DYNC2I1: variants seen among roughly 807,000 people sequenced by gnomAD.
The protein encoded by DYNC2I1 is dynein 2 intermediate chain 1, also known as cytoplasmic dynein 2 intermediate chain 1.
A neutral mutation model predicts 133.4 loss-of-function variants in DYNC2I1; 89 were observed. The observed-to-expected ratio is 0.67, with a 90% CI of 0.56 to 0.80. DYNC2I1 has a LOEUF of 0.80. Among genes scored for constraint, DYNC2I1 ranks in the 30% least tolerant of loss-of-function variants. The pLI is 0.00. For synonymous variants in DYNC2I1, 504 were observed against 484.3 expected (o/e 1.04, Z -0.54); for missense variants, 1,291 against 1,314.5 (o/e 0.98, Z 0.28).
chr7:158,910,597 G>A lies in DYNC2I1; in HGVS notation c.1461-953G>A, dbSNP rs185004512. 1.9e-3 allele frequency among the ~76,000 whole-genome samples: 281 copies of A among 151,340 alleles called. 2 individuals carry two copies. Among genetic ancestry groups the A allele is most frequent in the African/African-American group, 6.5e-3 (266 of 41,092 alleles). On this transcript the variant is annotated intron_variant, in intron 11 of 24. Coordinates refer to ENST00000407559, the MANE Select transcript of DYNC2I1 (RefSeq NM_018051.5). Reference sequence around the variant, plus strand: ...GGGTGATTGGAGGGCCATCAGCTGTGTCAGGCCTGTGGGCCGAGGGCACTT... The same window carrying A: ...GGGTGATTGGAGGGCCATCAGCTGTATCAGGCCTGTGGGCCGAGGGCACTT...
intron 8 of DYNC2I1, among the ~76,000 whole-genome samples, chr7:158,895,789 C>A (rs573742886): frequency 5.3e-5 from 8 of 152,194 alleles, no homozygotes; most frequent in African/African-American, 1.9e-4. Context: ...TTATTTAGTT[C>A]TTTGTTTTTG....
At chr7:158,897,653 C>A (rs1845880383) in intron 8 of DYNC2I1, among the ~76,000 whole-genome samples, 1 of 152,054 alleles carries the variant, frequency 6.6e-6, no homozygotes, top group African/African-American at 2.4e-5. Context: ...GTTAGCTTGG[C>A]CTAGAAGTGT....
intron 14 of DYNC2I1, 30 bp downstream of exon 14, chr7:158,914,351 C>T (rs374941327): frequency 3.8e-6 from 6 of 1,562,010 alleles, no homozygotes; most frequent in Non-Finnish European, 5.2e-6. Context: ...GTTGTGTTCT[C>T]TGTGTAAGTG....
At chr7:158,907,859 C>T (rs1370666852) in intron 11 of DYNC2I1, among the ~76,000 whole-genome samples, 1 of 152,032 alleles carries the variant, frequency 6.6e-6, no homozygotes, top group Non-Finnish European at 1.5e-5. Flanking sequence ...GCAATCCACC[C>T]ACCTCAGCCT....
chr7:158,927,020 T>A lies in DYNC2I1; in HGVS notation c.2462T>A (p.Ile821Asn), dbSNP rs753141667. 2.5e-6 allele frequency: 4 copies of A among 1,604,570 alleles called. No individual in the cohort carries two copies. The highest frequency in any genetic ancestry group is 3.4e-6 in the Non-Finnish European group (4 of 1,175,020). Residue 821 changes from isoleucine to asparagine, a missense_variant, in exon 20 of 25, where the codon ATC becomes AAC. By Grantham distance (149) the Ile-to-Asn change is moderately radical. Coordinates refer to ENST00000407559, the MANE Select transcript of DYNC2I1 (RefSeq NM_018051.5). Reference sequence around the variant, plus strand: ...GTTGTTGAATTACCAAAGGCAGACATCGCAGGTTCAATAAGTGATTTAGGT... The same window carrying A: ...GTTGTTGAATTACCAAAGGCAGACAACGCAGGTTCAATAAGTGATTTAGGT... ...WVVVELPKADIAGSISDLGLM... is the reference protein window; with the variant it reads ...WVVVELPKADNAGSISDLGLM...
intron 20 of DYNC2I1, among the ~76,000 whole-genome samples, chr7:158,929,970 C>T (rs530108007): frequency 2.6e-5 from 4 of 152,298 alleles, no homozygotes; most frequent in African/African-American, 9.6e-5. Context: ...CAGACGCACT[C>T]GGCTGAGGAG....
downstream of DYNC2I1, among the ~76,000 whole-genome samples, chr7:158,948,770 G>A (rs1434348381): frequency 6.6e-6 from 1 of 152,172 alleles, no homozygotes; most frequent in Non-Finnish European, 1.5e-5. Context: ...CAAGAGGGGG[G>A]TCCAGTCGCG....
At chr7:158,850,924 G>A in the DYNC2I1 span, among the ~76,000 whole-genome samples, 3 of 151,842 alleles carry the variant, frequency 2.0e-5, no homozygotes, top group South Asian at 6.2e-4. Flanking sequence ...GGAGTCTACG[G>A]AGCCTGAGAA....
downstream of DYNC2I1, among the ~76,000 whole-genome samples, chr7:158,949,993 A>T (rs558523756): frequency 2.0e-5 from 3 of 151,908 alleles, no homozygotes; most frequent in African/African-American, 7.3e-5. Context: ...CTGGTCTCGA[A>T]CTCCCAACCT....
At position 158,884,630 on chromosome 7, in the gene DYNC2I1, C is replaced by T. The variant is rs1331413317; in HGVS notation, c.935+11C>T. ...TGGGACCAGCAGCCAGTAAGGATTG[C>T]ATGCCCTGTGGTCGACCTTTACGTG... On this transcript the variant is annotated intron_variant, in intron 6 of 24. Transcript: ENST00000407559. The T allele has an allele frequency of 1.2e-6, 2 of 1,612,808 alleles. No individual in the cohort carries two copies. Among genetic ancestry groups the T allele is most frequent in the Non-Finnish European group, 8.5e-7 (1 of 1,179,412 alleles).
At chr7:158,911,400 A>G in intron 11 of DYNC2I1, 150 bp from the exon 12 acceptor site, 1 of 795,568 alleles carries the variant, frequency 1.3e-6, no homozygotes. Context: ...TATTTTTAAC[A>G]GCTGTTAAAT....
chr7:158,944,157 G>A (rs1353796380), intron 24 of DYNC2I1, among the ~76,000 whole-genome samples: 4 of 152,222 alleles, frequency 2.6e-5, no homozygotes, highest in Non-Finnish European at 5.9e-5. Flanking sequence ...CCCGTTGCAT[G>A]TGGTTGAGAA....
chr7:158,941,012 G>T (rs983609921), intron 23 of DYNC2I1, among the ~76,000 whole-genome samples: 4 of 151,960 alleles, frequency 2.6e-5, no homozygotes, highest in African/African-American at 9.7e-5. Context: ...TTGAGACAAA[G>T]AAATTACAGA....
At chr7:158,946,479 T>G (rs1851880531), downstream of DYNC2I1, among the ~76,000 whole-genome samples, 1 of 152,374 alleles carries the variant, frequency 6.6e-6, no homozygotes, top group East Asian at 1.9e-4. Context: ...CCGTGTTTCG[T>G]GTCTGGTCAG....
the DYNC2I1 span, among the ~76,000 whole-genome samples, chr7:158,848,760 TA>T: frequency 6.6e-6 from 1 of 151,974 alleles, no homozygotes; most frequent in Non-Finnish European, 1.5e-5. Flanking sequence ...CCATCTCTAC[TA>T]AAAATACAAA....
chr7:158,953,003 C>G (rs1852100860), intron 4 of DYNC2I1, among the ~76,000 whole-genome samples: 1 of 152,240 alleles, frequency 6.6e-6, no homozygotes. Context: ...CCATCCTTCC[C>G]ACCTGTGCAA....
chr7:158,911,498 C>T, intron 11 of DYNC2I1, 52 bp from the exon 12 acceptor site: 1 of 1,587,948 alleles, frequency 6.3e-7, no homozygotes, highest in Non-Finnish European at 8.6e-7. Flanking sequence ...CTACACTTCC[C>T]CACGTATATT....
chr7:158,914,353 G>A, intron 14 of DYNC2I1, 32 bp downstream of exon 14: 1 of 1,549,298 alleles, frequency 6.5e-7, no homozygotes, highest in South Asian at 1.2e-5. Flanking sequence ...TGTGTTCTCT[G>A]TGTAAGTGCT....
At chr7:158,922,632 G>C in intron 16 of DYNC2I1, 83 bp downstream of exon 16, 1 of 1,374,896 alleles carries the variant, frequency 7.3e-7, no homozygotes, top group Non-Finnish European at 1.0e-6. Context: ...GGAGAGTCAC[G>C]GAGAGAGGTG....
Sources: gnomAD v4.1 joint callset for allele counts (sites outside exome capture counted in the v4.1 genomes callset) on GRCh38, gnomAD v4.1.1 for gene constraint, MANE v1.5 for transcripts, NCBI Gene and HGNC (gene_info 2026-07-23, HGNC 2026-07-21) for gene names.